KCND2: variants seen among roughly 807,000 people sequenced by gnomAD.
The protein encoded by KCND2 is A-type voltage-gated potassium channel KCND2.
In KCND2, 16 loss-of-function variants were observed where a neutral mutation model predicts 54.4. The ratio of observed to expected loss-of-function variants is 0.29; its 90% CI spans 0.20 to 0.45. The LOEUF (loss-of-function observed/expected upper bound fraction) is 0.45, where lower values mean the gene tolerates loss of function less well. Among genes scored for constraint, KCND2 ranks in the 20% least tolerant of loss-of-function variants. KCND2 has a pLI of 1.00. For synonymous variants in KCND2, 317 were observed against 310.7 expected (o/e 1.02, Z -0.21); for missense variants, 486 against 824.2 (o/e 0.59, Z 5.02).
chr7:120,749,302 A>G lies in KCND2; in HGVS notation c.*1444A>G, dbSNP rs1237820162. 6.6e-6 allele frequency: 1 copy of G among 152,116 alleles called. No individual in the cohort carries two copies. Among genetic ancestry groups the G allele is most frequent in the Non-Finnish European group, 1.5e-5 (1 of 67,850 alleles). 9.4% of individuals were successfully genotyped at this position (152,116 alleles called of 1,614,324 possible). On this transcript the variant is annotated 3_prime_UTR_variant, in exon 6 of 6. Coordinates refer to ENST00000331113, the MANE Select transcript of KCND2 (RefSeq NM_012281.3). ...GTATTGCAAGGTACAATTTTCTCCAATAAATCAGGAGAACAGGAGTTTGAT... is the reference window on the plus strand; with the variant it reads ...GTATTGCAAGGTACAATTTTCTCCAGTAAATCAGGAGAACAGGAGTTTGAT...
At chr7:120,394,157 A>G (rs1015294211) in intron 1 of KCND2, among the ~76,000 whole-genome samples, 1 of 152,044 alleles carries the variant, frequency 6.6e-6, no homozygotes, top group African/African-American at 2.4e-5. Context: ...TTTAATTGAT[A>G]CAAGGCTGGC....
At chr7:120,353,164 A>G (rs1161624422) in intron 1 of KCND2, among the ~76,000 whole-genome samples, 1 of 141,624 alleles carries the variant, frequency 7.1e-6, no homozygotes, top group East Asian at 2.0e-4. Context: ...TTTTTAGGCA[A>G]ACTATAACAC....
rs904486388 is a variant in KCND2, at chr7:120,634,265, C to T, written c.1116-98638C>T. ...ACAATAATACTTATTACAATGCCTT[C>T]CGACACCAATATTTTATTTATACTT... On this transcript the variant is annotated intron_variant, in intron 1 of 5. Coordinates refer to ENST00000331113, the MANE Select transcript of KCND2 (RefSeq NM_012281.3). Among the ~76,000 whole-genome samples the T allele has an allele frequency of 4.6e-5, 7 of 152,202 alleles. No homozygotes were observed. In the South Asian group the frequency reaches 6.2e-4, roughly 14 times the overall value.
At chr7:120,510,884 G>C (rs958569847) in intron 1 of KCND2, among the ~76,000 whole-genome samples, 1 of 148,082 alleles carries the variant, frequency 6.8e-6, no homozygotes, top group African/African-American at 2.5e-5. Context: ...CCTGCCCCAT[G>C]AGTCTTTGAA....
intron 1 of KCND2, among the ~76,000 whole-genome samples, chr7:120,279,040 T>C (rs1414914452): frequency 1.3e-5 from 2 of 151,918 alleles, no homozygotes; most frequent in African/African-American, 2.4e-5. Context: ...AAAAAGAACC[T>C]GGAACTCCTC....
At chr7:120,446,148 A>G (rs1164827188) in intron 1 of KCND2, among the ~76,000 whole-genome samples, 2 of 152,080 alleles carry the variant, frequency 1.3e-5, no homozygotes. Flanking sequence ...TTTTTATCTG[A>G]GGAGCAGTCT....
chr7:120,510,593 G>C (rs952009016), intron 1 of KCND2, among the ~76,000 whole-genome samples: 2 of 151,968 alleles, frequency 1.3e-5, no homozygotes, highest in African/African-American at 4.8e-5. Context: ...AGTTTTCTTA[G>C]GAGGAGGGTG....
At chr7:120,399,345 T>C (rs1464218822) in intron 1 of KCND2, among the ~76,000 whole-genome samples, 1 of 151,774 alleles carries the variant, frequency 6.6e-6, no homozygotes, top group East Asian at 1.9e-4. Flanking sequence ...TCATGGTTCT[T>C]ACATTACATA....
intron 1 of KCND2, among the ~76,000 whole-genome samples, chr7:120,546,656 C>T (rs565260057): frequency 3.4e-4 from 51 of 152,088 alleles, no homozygotes; most frequent in Non-Finnish European, 6.6e-4. Flanking sequence ...AACATCTCCT[C>T]ACACAAGATC....
intron 1 of KCND2, among the ~76,000 whole-genome samples, chr7:120,512,212 G>A (rs1394195868): frequency 1.3e-5 from 2 of 151,812 alleles, no homozygotes; most frequent in East Asian, 1.9e-4. Context: ...CCAATTTTTA[G>A]CTACACTAAA....
intron 1 of KCND2, among the ~76,000 whole-genome samples, chr7:120,599,126 T>G (rs1453760722): frequency 6.6e-6 from 1 of 152,176 alleles, no homozygotes; most frequent in Non-Finnish European, 1.5e-5. Flanking sequence ...AGAAAATCAG[T>G]TACACAGATA....
At chr7:120,699,940 C>T (rs1792379622) in intron 1 of KCND2, among the ~76,000 whole-genome samples, 1 of 151,866 alleles carries the variant, frequency 6.6e-6, no homozygotes, top group South Asian at 2.1e-4. Flanking sequence ...GGTAGAACCC[C>T]AATAAAAACA....
At chr7:120,739,796 GAAACACACACAC>G (rs1216030091) in intron 2 of KCND2, among the ~76,000 whole-genome samples, 1 of 128,160 alleles carries the variant, frequency 7.8e-6, no homozygotes, top group African/African-American at 3.2e-5. Context: ...CTTAACAAAA[GAAACACACACAC>G]ACACACACAC....
intron 1 of KCND2, among the ~76,000 whole-genome samples, chr7:120,570,820 C>T (rs1336318841): frequency 6.6e-6 from 1 of 152,090 alleles, no homozygotes; most frequent in Non-Finnish European, 1.5e-5. Flanking sequence ...AACATAACAC[C>T]ACCAGCCCTA....
At chr7:120,417,666 G>A (rs1801543922) in intron 1 of KCND2, among the ~76,000 whole-genome samples, 3 of 152,104 alleles carry the variant, frequency 2.0e-5, no homozygotes, top group African/African-American at 4.8e-5. Context: ...TTTGGTCCCC[G>A]AGGCAGGAAA....
chr7:120,376,863 A>G (rs1202110728), intron 1 of KCND2, among the ~76,000 whole-genome samples: 1 of 151,914 alleles, frequency 6.6e-6, no homozygotes, highest in African/African-American at 2.4e-5. Flanking sequence ...CTCACTAAAT[A>G]TTTTATATTT....
intron 1 of KCND2, among the ~76,000 whole-genome samples, chr7:120,542,665 T>C (rs1168818226): frequency 6.6e-6 from 1 of 152,144 alleles, no homozygotes; most frequent in Non-Finnish European, 1.5e-5. Context: ...AGGGAACCAA[T>C]TGAATTCTTT....
intron 3 of KCND2, 54 bp from the exon 4 acceptor site, chr7:120,742,456 T>C (rs1792953815): frequency 7.2e-7 from 1 of 1,388,072 alleles, no homozygotes; most frequent in African/African-American, 1.4e-5. Context: ...TAGCCGAGGT[T>C]CGAGTTGTTT....
intron 1 of KCND2, among the ~76,000 whole-genome samples, chr7:120,320,107 T>C (rs1417986564): frequency 1.3e-5 from 2 of 152,082 alleles, no homozygotes; most frequent in Non-Finnish European, 2.9e-5. Context: ...GTACCACTTG[T>C]ACAATAACAA....
Sources: allele counts gnomAD v4.1 joint callset (sites outside exome capture counted in the v4.1 genomes callset), GRCh38; gene constraint gnomAD v4.1.1; transcripts MANE v1.5; gene names NCBI Gene and HGNC (gene_info 2026-07-23, HGNC 2026-07-21).